Variants in NCKIPSD observed in about 807,000 individuals in gnomAD.
NCKIPSD encodes NCK interacting protein with SH3 domain.
In NCKIPSD, 48 loss-of-function variants were observed where a neutral mutation model predicts 73.4. The ratio of observed to expected loss-of-function variants is 0.65; its 90% CI spans 0.52 to 0.83. NCKIPSD has a LOEUF of 0.83. NCKIPSD is among the 40% of genes least tolerant of loss of function. The pLI is 0.00. For missense variants in NCKIPSD, 884 were observed against 970.2 expected (o/e 0.91, Z 1.18); for synonymous variants, 422 against 403.6 (o/e 1.05, Z -0.54).
At chr3:48,675,114 C>T (rs897058644) in intron 12 of NCKIPSD, among the ~76,000 whole-genome samples, 2 of 152,078 alleles carry the variant, frequency 1.3e-5, no homozygotes, top group Admixed American at 1.3e-4. Flanking sequence ...AATAGTGAAC[C>T]ACTCTCATAC....
At chr3:48,678,442 C>T (rs1559491382) in intron 12 of NCKIPSD, 122 bp downstream of exon 12, 1 of 1,297,194 alleles carries the variant, frequency 7.7e-7, no homozygotes, top group Non-Finnish European at 1.0e-6. Context: ...ATCATGGCCT[C>T]CTACACTTAC....
chr3:48,678,499 G>GC, intron 12 of NCKIPSD, 65 bp downstream of exon 12: 4 of 1,514,352 alleles, frequency 2.6e-6, no homozygotes, highest in Non-Finnish European at 1.8e-6. Flanking sequence ...TCAATGTCAT[G>GC]CCCCCCACCA....
intron 4 of NCKIPSD, 88 bp from the exon 5 acceptor site, chr3:48,681,868 G>A: frequency 6.9e-7 from 1 of 1,458,872 alleles, no homozygotes. Context: ...CCTAACACAG[G>A]GCCTAGTTTC....
At chr3:48,675,536 T>TATC (rs1553629714) in intron 12 of NCKIPSD, among the ~76,000 whole-genome samples, 33 of 142,496 alleles carry the variant, frequency 2.3e-4, no homozygotes, top group Middle Eastern at 3.6e-3. Flanking sequence ...ATGATATATA[T>TATC]ATATATATAT....
chr3:48,679,679 T>G lies in NCKIPSD; in HGVS notation c.1385A>C (p.Lys462Thr), dbSNP rs1389399101. The G allele has an allele frequency of 6.2e-7, 1 of 1,614,030 alleles. No individual in the cohort carries two copies. The highest frequency in any genetic ancestry group is 2.2e-5 in the East Asian group (1 of 44,880). ...HRASLRLLLL[K>T]CFGAMCSLDA... ...CAGGCTGCACATGGCGCCAAAGCAC[T>G]TGAGGAGCAGCAGCCGCAGTGATGC... Residue 462 changes from lysine to threonine, a missense_variant, in exon 8 of 13, where the codon AAG (lysine) becomes ACG (threonine). Coordinates refer to ENST00000294129, the MANE Select transcript of NCKIPSD (RefSeq NM_016453.4).
At chr3:48,680,012 GGCCAC>G in intron 6 of NCKIPSD, 42 bp downstream of exon 6, 1 of 1,602,612 alleles carries the variant, frequency 6.2e-7, no homozygotes, top group Non-Finnish European at 8.5e-7. Context: ...ACAGGGTGGG[GGCCAC>G]TGTTCCCCAT....
intron 5 of NCKIPSD, among the ~76,000 whole-genome samples, chr3:48,680,561 G>C (rs899906654): frequency 2.0e-5 from 3 of 152,146 alleles, no homozygotes; most frequent in African/African-American, 7.2e-5. Context: ...GCACAGGCCT[G>C]TCATCTACCA....
rs924181259 is a variant in NCKIPSD, at chr3:48,685,778, C to G, written c.30G>C (p.Ser10=). 3.9e-6 allele frequency: 6 copies of G among 1,529,334 alleles called. No homozygotes were observed. The highest frequency in any genetic ancestry group is 5.2e-6 in the Non-Finnish European group (6 of 1,147,668). 94.7% of individuals were successfully genotyped at this position (1,529,334 alleles called of 1,614,324 possible). A position where few individuals can be genotyped will look rare whatever the true frequency, so the allele number is the denominator to read the frequency against. MYRALYAFR[S]AEPNALAFAA... The stretch of plus-strand genomic sequence containing the variant: ...CGAACGCCAGCGCGTTGGGCTCCGC[C>G]GAGCGGAACGCGTACAGCGCGCGGT... The change falls in exon 1 of 13, where the codon TCG becomes TCC. Residue 10 remains serine, a synonymous_variant. Coordinates refer to ENST00000294129, the MANE Select transcript of NCKIPSD (RefSeq NM_016453.4).
rs1424370868 is a variant in NCKIPSD, at chr3:48,678,590, T to C, written c.1939A>G (p.Ile647Val). The C allele has an allele frequency of 6.2e-7, 1 of 1,613,668 alleles. No individual in the cohort carries two copies. ...TTGTCTCCTGGTGACAGGTCTGCGA[T>C]GTGCCGCACAGTGATGTCAATGAGA... The part of the protein sequence containing the change: ...MALIDITVRH[I>V]ADLSPGDKLR... Residue 647 changes from isoleucine (I) to valine (V), a missense_variant, in exon 12 of 13, where the codon ATC (isoleucine) becomes GTC (valine). Ile to Val is a conservative substitution (Grantham distance 29). Coordinates refer to ENST00000294129, the MANE Select transcript of NCKIPSD (RefSeq NM_016453.4).
At position 48,682,125 on chromosome 3, in the gene NCKIPSD, T is replaced by C. The variant is rs756748917; in HGVS notation, c.518A>G (p.Gln173Arg). ...IPLPSSQIPP[Q>R]PRRAAPTTPP... Reference sequence around the variant, plus strand: ...TGTGGTGGGTGCTGCTCGGCGAGGCTGTGGTGGGATCTGGGAAGATGGAAG... The same window carrying C: ...TGTGGTGGGTGCTGCTCGGCGAGGCCGTGGTGGGATCTGGGAAGATGGAAG... The change falls in exon 4 of 13, where the codon CAG becomes CGG. Residue 173 changes from glutamine (Q) to arginine (R), a missense_variant. Gln to Arg is a conservative substitution (Grantham distance 43, BLOSUM62 1). Transcript: ENST00000294129. 6.2e-7 allele frequency: 1 copy of C among 1,600,180 alleles called. No individual in the cohort carries two copies. The highest frequency in any genetic ancestry group is 8.5e-7 in the Non-Finnish European group (1 of 1,179,556).
chr3:48,678,480 C>T (rs1367343211), intron 12 of NCKIPSD, 84 bp downstream of exon 12: 2 of 1,469,198 alleles, frequency 1.4e-6, no homozygotes, highest in Non-Finnish European at 1.8e-6. Flanking sequence ...CTTGCCCCCT[C>T]ATCTCCACTC....
At position 48,682,392 on chromosome 3, in the gene NCKIPSD, G is replaced by A. The variant is rs760223893; in HGVS notation, c.442C>T (p.Leu148=). The change falls in exon 3 of 13, where the codon CTA becomes TTA. Residue 148 remains leucine (L), a synonymous_variant. Transcript: ENST00000294129. ...GCCCCAAGATGCTCAGAACTGGGTA[G>A]GCTGTGCTGCCGCTCGAACCCAGCT... The part of the protein sequence containing the change: ...CRAGFERQHS[L]PSSEHLGADG... 1.2e-6 allele frequency: 2 copies of A among 1,614,030 alleles called. No homozygotes were observed. Among genetic ancestry groups the A allele is most frequent in the Non-Finnish European group, 1.7e-6 (2 of 1,180,022 alleles).
chr3:48,683,592 C>T (rs2077388934), intron 1 of NCKIPSD, among the ~76,000 whole-genome samples: 1 of 152,174 alleles, frequency 6.6e-6, no homozygotes, highest in Admixed American at 6.5e-5. Context: ...CACAAGATGT[C>T]TCAGTAAGCT....
Position 48,679,621 on chromosome 3 carries a change from G to A in NCKIPSD, c.1443C>T (p.Ser481=), listed in dbSNP as rs764097851. 31 of 1,614,064 alleles carry A rather than the reference G, an allele frequency of 1.9e-5. No homozygotes were observed. The highest frequency in any genetic ancestry group is 1.4e-4 in the South Asian group (13 of 91,088). ...DAAIISTLVS[S]VLPVELARDM... The stretch of plus-strand genomic sequence containing the variant: ...CCCTCGCCAGCTCTACAGGCAGCAC[G>A]GATGACACAAGCGTGGAGATGATGG... The change falls in exon 8 of 13, where the codon TCC becomes TCT. Residue 481 remains serine (S), a synonymous_variant. Transcript: ENST00000294129.
intron 1 of NCKIPSD, among the ~76,000 whole-genome samples, chr3:48,683,878 T>C (rs1311096415): frequency 6.6e-6 from 1 of 151,972 alleles, no homozygotes; most frequent in Middle Eastern, 3.4e-3. Context: ...GCTTCCCTGA[T>C]GGGCACAGAC....
In NCKIPSD at chr3:48,685,880, G is replaced by C. The variant is rs1157864778; in HGVS notation, c.-73C>G. ...CACAACGCCAGGCCGGGAGCGCCGAGCCGCGCCGCGGTTGTCCCGCCCCGT... is the reference window on the plus strand; with the variant it reads ...CACAACGCCAGGCCGGGAGCGCCGACCCGCGCCGCGGTTGTCCCGCCCCGT... On this transcript the variant is annotated 5_prime_UTR_variant, in exon 1 of 13. Coordinates refer to ENST00000294129, the MANE Select transcript of NCKIPSD (RefSeq NM_016453.4). 5 of 1,309,528 alleles carry C rather than the reference G, an allele frequency of 3.8e-6. No homozygotes were observed. Among genetic ancestry groups the C allele is most frequent in the African/African-American group, 3.1e-5 (2 of 64,106 alleles). 81.1% of individuals were successfully genotyped at this position (1,309,528 alleles called of 1,614,324 possible). A position where few individuals can be genotyped will look rare whatever the true frequency, so the allele number is the denominator to read the frequency against.
In NCKIPSD at chr3:48,682,332, T is replaced by C; in HGVS notation, c.486+16A>G. Reference sequence around the variant, plus strand: ...TTCCACCCACCTCCCTTCTCCACGATGTCCTCCCCACACACCTGGTAGAGG... The same window carrying C: ...TTCCACCCACCTCCCTTCTCCACGACGTCCTCCCCACACACCTGGTAGAGG... On this transcript the variant is annotated intron_variant, in intron 3 of 12. Coordinates refer to ENST00000294129, the MANE Select transcript of NCKIPSD (RefSeq NM_016453.4). 8.7e-6 allele frequency: 14 copies of C among 1,612,780 alleles called. No individual in the cohort carries two copies. Among genetic ancestry groups the C allele is most frequent in the Non-Finnish European group, 1.1e-5 (13 of 1,178,980 alleles).
Position 48,679,591 on chromosome 3 carries a change from C to T in NCKIPSD, c.1473G>A (p.Met491Ile). 2 of 1,614,172 alleles carry T rather than the reference C, an allele frequency of 1.2e-6. No individual in the cohort carries two copies. Among genetic ancestry groups the T allele is most frequent in the Non-Finnish European group, 1.7e-6 (2 of 1,180,008 alleles). ...SVLPVELARD[M>I]QTDTQDHQKL... ...CAGCCTCACCCTGCGTGTCTGTCTG[C>T]ATGTCCCTCGCCAGCTCTACAGGCA... Residue 491 changes from methionine to isoleucine, a missense_variant, in exon 8 of 13, where the codon ATG becomes ATA. By Grantham distance (10) the Met-to-Ile change is conservative. Transcript: ENST00000294129.
rs2077432136 is a variant in NCKIPSD at position 48,685,879 on chromosome 3, A to AGCCGC, written c.-77_-73dup. The AGCCGC allele has an allele frequency of 4.6e-6, 6 of 1,308,518 alleles. No individual in the cohort carries two copies. Among genetic ancestry groups the AGCCGC allele is most frequent in the Non-Finnish European group, 5.9e-6 (6 of 1,024,112 alleles). 81.1% of individuals were successfully genotyped at this position (1,308,518 alleles called of 1,614,324 possible). ...CCACAACGCCAGGCCGGGAGCGCCG[A>AGCCGC]GCCGCGCCGCGGTTGTCCCGCCCCG... On this transcript the variant is annotated 5_prime_UTR_variant, in exon 1 of 13. Transcript: ENST00000294129.
Sources: allele counts gnomAD v4.1 joint callset (sites outside exome capture counted in the v4.1 genomes callset), GRCh38; gene constraint gnomAD v4.1.1; transcripts MANE v1.5; gene names NCBI Gene and HGNC (gene_info 2026-07-23, HGNC 2026-07-21).